Variants in ANKRD44 observed in about 807,000 individuals in gnomAD.
ANKRD44 encodes the protein ankyrin repeat domain 44.
Under a neutral mutation model 116.0 loss-of-function variants are expected in ANKRD44, and 35 were observed. That is an observed-to-expected ratio of 0.30 (90% confidence interval 0.23 to 0.40). The LOEUF (loss-of-function observed/expected upper bound fraction) is 0.40, where lower values mean the gene tolerates loss of function less well. ANKRD44 is among the 10% of genes least tolerant of loss of function. The probability of loss-of-function intolerance (pLI) is 1.00; values close to 1 mark genes in which losing one functional copy is unlikely to be tolerated. For missense variants in ANKRD44, 1,014 were observed against 1,242.6 expected (o/e 0.82, Z 2.77); for synonymous variants, 435 against 461.8 (o/e 0.94, Z 0.74).
intron 10 of ANKRD44, among the ~76,000 whole-genome samples, chr2:197,097,773 T>C (rs536877602): frequency 6.6e-6 from 1 of 152,308 alleles, no homozygotes; most frequent in African/African-American, 2.4e-5. Context: ...TACACACAAA[T>C]GGGATCATTA....
At chr2:197,114,802 T>C (rs2078670032) in intron 8 of ANKRD44, among the ~76,000 whole-genome samples, 1 of 152,308 alleles carries the variant, frequency 6.6e-6, no homozygotes, top group South Asian at 2.1e-4. Flanking sequence ...AGAAACCCAA[T>C]AAGTCTTCCT....
intron 1 of ANKRD44, among the ~76,000 whole-genome samples, chr2:197,239,519 T>G (rs1263365282): frequency 6.6e-6 from 1 of 152,194 alleles, no homozygotes; most frequent in African/African-American, 2.4e-5. Context: ...TGTGAGGCAC[T>G]GTGCCCGGCC....
At chr2:197,286,443 T>C (rs1037797910) in intron 1 of ANKRD44, among the ~76,000 whole-genome samples, 3 of 151,284 alleles carry the variant, frequency 2.0e-5, no homozygotes, top group Admixed American at 6.6e-5. Context: ...AGCAAGATCA[T>C]ATCTCACTGC....
At chr2:197,233,356 A>G (rs2081909977) in intron 1 of ANKRD44, among the ~76,000 whole-genome samples, 1 of 152,198 alleles carries the variant, frequency 6.6e-6, no homozygotes, top group African/African-American at 2.4e-5. Flanking sequence ...CCTCTCAGAT[A>G]CTGAATGTCT....
chr2:197,052,753 C>G (rs552587962), intron 16 of ANKRD44, among the ~76,000 whole-genome samples: 1 of 152,288 alleles, frequency 6.6e-6, no homozygotes, highest in African/African-American at 2.4e-5. Flanking sequence ...TTTAGCCAAG[C>G]TCTAAACAAA....
intron 1 of ANKRD44, among the ~76,000 whole-genome samples, chr2:197,306,580 T>C (rs1421361656): frequency 6.6e-6 from 1 of 152,084 alleles, no homozygotes; most frequent in East Asian, 1.9e-4. Flanking sequence ...GCCTTTCTTT[T>C]CCCTTCTTCT....
chr2:197,207,944 T>C (rs1574275371), intron 1 of ANKRD44, among the ~76,000 whole-genome samples: 1 of 152,206 alleles, frequency 6.6e-6, no homozygotes, highest in Admixed American at 6.5e-5. Context: ...CCCCCTTCTA[T>C]AAATTGTACA....
chr2:197,007,683 A>G, intron 20 of ANKRD44, 123 bp downstream of exon 20: 1 of 707,344 alleles, frequency 1.4e-6, no homozygotes, highest in Non-Finnish European at 2.4e-6. Flanking sequence ...TTAGGAAACA[A>G]TTTTTGCTAA....
chr2:197,136,541 T>C (rs2079220607), intron 4 of ANKRD44, 51 bp downstream of exon 4: 1 of 1,549,568 alleles, frequency 6.5e-7, no homozygotes. Flanking sequence ...AGCAAGACTT[T>C]TTCTTTTTCT....
chr2:197,091,145 C>T (rs543923013), intron 10 of ANKRD44, among the ~76,000 whole-genome samples: 25 of 152,342 alleles, frequency 1.6e-4, no homozygotes, highest in Non-Finnish European at 2.9e-5. Flanking sequence ...CAACCGTGGA[C>T]GGCAGACATC....
intron 21 of ANKRD44, among the ~76,000 whole-genome samples, chr2:197,005,334 A>G (rs1479212646): frequency 6.6e-6 from 1 of 152,228 alleles, no homozygotes; most frequent in Non-Finnish European, 1.5e-5. Flanking sequence ...ATTAAATTAT[A>G]TACATATATT....
intron 16 of ANKRD44, among the ~76,000 whole-genome samples, chr2:197,043,141 T>G (rs1324945750): frequency 6.6e-6 from 1 of 152,232 alleles, no homozygotes; most frequent in Non-Finnish European, 1.5e-5. Context: ...ATAGCTTCAA[T>G]AAACGGGTTT....
intron 10 of ANKRD44, among the ~76,000 whole-genome samples, chr2:197,091,798 T>C (rs1214144726): frequency 6.6e-6 from 1 of 152,218 alleles, no homozygotes; most frequent in Non-Finnish European, 1.5e-5. Flanking sequence ...CTTTTGCTGA[T>C]CAAACTTCAT....
chr2:197,279,577 C>G (rs966692974), intron 1 of ANKRD44, among the ~76,000 whole-genome samples: 1 of 152,184 alleles, frequency 6.6e-6, no homozygotes, highest in Non-Finnish European at 1.5e-5. Flanking sequence ...CCAAGCTGCT[C>G]GCTTCACTGT....
At chr2:197,206,215 GT>G (rs2081201456) in intron 1 of ANKRD44, among the ~76,000 whole-genome samples, 1 of 152,116 alleles carries the variant, frequency 6.6e-6, no homozygotes, top group South Asian at 2.1e-4. Flanking sequence ...TAGAGATGAT[GT>G]TTTTTCACTC....
chr2:197,247,509 A>G (rs1246141612), intron 1 of ANKRD44, among the ~76,000 whole-genome samples: 2 of 152,258 alleles, frequency 1.3e-5, no homozygotes, highest in African/African-American at 2.4e-5. Flanking sequence ...ATTCTTCTAT[A>G]TAAATTAGGC....
chr2:197,088,928 G>A (rs2077984006), intron 11 of ANKRD44, 154 bp from the exon 12 acceptor site: 2 of 664,130 alleles, frequency 3.0e-6, no homozygotes, highest in South Asian at 3.4e-5. Context: ...TCATGGAAAC[G>A]AATGGGAACT....
intron 21 of ANKRD44, among the ~76,000 whole-genome samples, chr2:196,974,888 T>C (rs1574207265): frequency 7.3e-6 from 1 of 136,498 alleles, no homozygotes. Flanking sequence ...AGACTCCATC[T>C]CAAAAAAAAA....
At chr2:197,156,856 T>C (rs567202597) in intron 2 of ANKRD44, among the ~76,000 whole-genome samples, 1 of 152,304 alleles carries the variant, frequency 6.6e-6, no homozygotes, top group Non-Finnish European at 1.5e-5. Context: ...AAGTACATAT[T>C]GTATAAATCC....
Sources: allele counts gnomAD v4.1 joint callset (sites outside exome capture counted in the v4.1 genomes callset), GRCh38; gene constraint gnomAD v4.1.1; transcripts MANE v1.5; gene names NCBI Gene and HGNC (gene_info 2026-07-23, HGNC 2026-07-21).